Variants in KCNT2 observed in about 807,000 individuals in gnomAD.
KCNT2 encodes the protein potassium sodium-activated channel subfamily T member 2, also known as potassium channel subfamily T member 2.
Under a neutral mutation model 153.8 loss-of-function variants are expected in KCNT2, and 67 were observed. The observed-to-expected ratio is 0.44, with a 90% CI of 0.36 to 0.53. The LOEUF is 0.53. KCNT2 is among the 20% of genes least tolerant of loss of function. The pLI, the probability that KCNT2 is intolerant of heterozygous loss-of-function variation, is 0.00. For synonymous variants in KCNT2, 500 were observed against 458.8 expected, an observed-to-expected ratio of 1.09 and a Z score of -1.15; for missense variants, 975 against 1,354.8, an observed-to-expected ratio of 0.72 and a Z score of 4.40.
chr1:196,294,914 G>C (rs1473648085), intron 22 of KCNT2, among the ~76,000 whole-genome samples: 1 of 151,660 alleles, frequency 6.6e-6, no homozygotes, highest in African/African-American at 2.4e-5. Context: ...AGGGCATAAG[G>C]GGATGTTGAT....
intron 8 of KCNT2, among the ~76,000 whole-genome samples, chr1:196,459,252 C>G (rs1261652163): frequency 6.6e-6 from 1 of 151,602 alleles, no homozygotes; most frequent in South Asian, 2.1e-4. Flanking sequence ...ATATACTTTG[C>G]CATTTAATAA....
intron 22 of KCNT2, among the ~76,000 whole-genome samples, chr1:196,302,194 C>T (rs1661246695): frequency 6.6e-6 from 1 of 152,022 alleles, no homozygotes; most frequent in African/African-American, 2.4e-5. Flanking sequence ...ATAGAAAATG[C>T]TACTGATTAT....
chr1:196,336,397 C>A (rs1432012908), intron 16 of KCNT2, among the ~76,000 whole-genome samples: 1 of 152,106 alleles, frequency 6.6e-6, no homozygotes, highest in Non-Finnish European at 1.5e-5. Flanking sequence ...ATCGATTAAT[C>A]CACTCTCCTT....
intron 1 of KCNT2, among the ~76,000 whole-genome samples, chr1:196,598,024 T>TA (rs1664289642): frequency 6.6e-6 from 1 of 152,290 alleles, no homozygotes; most frequent in African/African-American, 2.4e-5. Flanking sequence ...TAGGAAATCT[T>TA]AAAGTCTTAC....
chr1:196,489,750 C>T lies in KCNT2; in HGVS notation c.275+88G>A. The T allele has an allele frequency of 4.0e-6, 3 of 741,306 alleles. No individual in the cohort carries two copies. The South Asian group carries it at 5.2e-5, about 13-fold the overall frequency. The allele number at this position is 741,306 out of a possible 1,614,324, so 45.9% of individuals were successfully genotyped here. On this transcript the variant is annotated intron_variant, in intron 3 of 27. Coordinates refer to ENST00000294725, the MANE Select transcript of KCNT2 (RefSeq NM_198503.5). The stretch of plus-strand genomic sequence containing the variant: ...ACCTAAAATACCCTTAAAAATTAAG[C>T]TCTACACAACATGCTTTAAATTTAA...
At chr1:196,522,823 T>C (rs1194185150) in intron 1 of KCNT2, among the ~76,000 whole-genome samples, 7 of 152,010 alleles carry the variant, frequency 4.6e-5, no homozygotes, top group African/African-American at 1.7e-4. Flanking sequence ...GGTAAAGGAT[T>C]GTAAATGCAC....
intron 25 of KCNT2, among the ~76,000 whole-genome samples, chr1:196,274,582 ATT>A (rs1658379609): frequency 6.6e-6 from 1 of 151,722 alleles, no homozygotes. Context: ...TTAATAATAT[ATT>A]TTAAAAGCTA....
chr1:196,455,593 T>TTCCACATA (rs1359458679), intron 8 of KCNT2, among the ~76,000 whole-genome samples: 1 of 152,052 alleles, frequency 6.6e-6, no homozygotes, highest in African/African-American at 2.4e-5. Flanking sequence ...ATAGTATTGA[T>TTCCACATA]TAGTTATTCC....
chr1:196,460,196 T>C (rs1677028343), intron 8 of KCNT2, among the ~76,000 whole-genome samples: 1 of 151,726 alleles, frequency 6.6e-6, no homozygotes, highest in South Asian at 2.1e-4. Context: ...AAAAATTATA[T>C]CCAAGGGTAT....
intron 1 of KCNT2, among the ~76,000 whole-genome samples, chr1:196,576,684 T>C (rs912461115): frequency 3.3e-5 from 5 of 152,108 alleles, no homozygotes; most frequent in Non-Finnish European, 5.9e-5. Context: ...ACAAACTTAT[T>C]CTTTTGAAAT....
At chr1:196,426,207 C>T (rs1192146983) in intron 10 of KCNT2, among the ~76,000 whole-genome samples, 1 of 151,916 alleles carries the variant, frequency 6.6e-6, no homozygotes, top group Non-Finnish European at 1.5e-5. Flanking sequence ...TCAATAAATT[C>T]ATCTCAACTT....
chr1:196,468,476 C>A (rs1677801643), intron 6 of KCNT2, among the ~76,000 whole-genome samples: 1 of 151,962 alleles, frequency 6.6e-6, no homozygotes. Context: ...ATTTATGGGA[C>A]TGTAGTTGAA....
At chr1:196,230,592 A>T (rs187132685) in intron 27 of KCNT2, among the ~76,000 whole-genome samples, 1 of 152,122 alleles carries the variant, frequency 6.6e-6, no homozygotes, top group East Asian at 1.9e-4. Context: ...GTTTGGAAGA[A>T]GTTGACTCCA....
intron 5 of KCNT2, among the ~76,000 whole-genome samples, chr1:196,469,314 A>AT (rs1677882802): frequency 6.6e-6 from 1 of 152,174 alleles, no homozygotes; most frequent in Admixed American, 6.5e-5. Flanking sequence ...TGCACATAAC[A>AT]TTTTTTATCA....
intron 1 of KCNT2, among the ~76,000 whole-genome samples, chr1:196,524,037 T>C (rs901186550): frequency 6.6e-6 from 1 of 152,188 alleles, no homozygotes; most frequent in Non-Finnish European, 1.5e-5. Context: ...CAAGATGAAC[T>C]GTTAAGTATA....
intron 22 of KCNT2, among the ~76,000 whole-genome samples, chr1:196,302,679 G>A (rs760542197): frequency 6.6e-6 from 1 of 151,098 alleles, no homozygotes; most frequent in Admixed American, 6.6e-5. Context: ...CTTTGAAGTT[G>A]ACTGCCTCTC....
chr1:196,442,360 A>G (rs1416345744), intron 8 of KCNT2, among the ~76,000 whole-genome samples: 1 of 151,822 alleles, frequency 6.6e-6, no homozygotes, highest in African/African-American at 2.4e-5. Context: ...TCACCTATTT[A>G]TTGAGTACTA....
intron 1 of KCNT2, among the ~76,000 whole-genome samples, chr1:196,543,561 T>C (rs540458337): frequency 3.5e-4 from 53 of 152,278 alleles, no homozygotes; most frequent in African/African-American, 1.2e-3. Flanking sequence ...TCATAAAGTA[T>C]AATCTGTAAC....
At chr1:196,473,319 GT>G (rs1446070980) in intron 5 of KCNT2, among the ~76,000 whole-genome samples, 1 of 151,996 alleles carries the variant, frequency 6.6e-6, no homozygotes, top group African/African-American at 2.4e-5. Context: ...TTTTTTTCCA[GT>G]TTGTATTTAT....
Sources: allele counts gnomAD v4.1 joint callset (sites outside exome capture counted in the v4.1 genomes callset), GRCh38; gene constraint gnomAD v4.1.1; transcripts MANE v1.5; gene names NCBI Gene and HGNC (gene_info 2026-07-23, HGNC 2026-07-21).